RELL1: variants seen among roughly 807,000 people sequenced by gnomAD.
The protein encoded by RELL1 is RELT like 1.
In RELL1, 10 loss-of-function variants were observed where a neutral mutation model predicts 23.0. The ratio of observed to expected loss-of-function variants is 0.43; its 90% CI spans 0.27 to 0.74. The LOEUF (loss-of-function observed/expected upper bound fraction) is 0.74. Ranked by LOEUF, RELL1 falls within the 30% of genes least tolerant of loss-of-function variation. RELL1 has a pLI of 0.19. For missense variants in RELL1, 315 were observed against 364.4 expected (o/e 0.86, Z 1.10); for synonymous variants, 146 against 146.8 (o/e 0.99, Z 0.04).
At chr4:37,633,757 A>T (rs2109261784) in intron 5 of RELL1, among the ~76,000 whole-genome samples, 1 of 151,928 alleles carries the variant, frequency 6.6e-6, no homozygotes, top group Non-Finnish European at 1.5e-5. Context: ...TATGTGAGTC[A>T]CCTCACCTAG....
intron 4 of RELL1, 93 bp from the exon 5 acceptor site, chr4:37,635,216 TTG>T: frequency 9.6e-7 from 1 of 1,037,506 alleles, no homozygotes; most frequent in African/African-American, 1.6e-5. Context: ...GCAGTTTAAA[TTG>T]AAAGAAAAAA....
intron 1 of RELL1, among the ~76,000 whole-genome samples, chr4:37,664,194 G>T (rs538264762): frequency 6.6e-6 from 1 of 152,164 alleles, no homozygotes; most frequent in South Asian, 2.1e-4. Flanking sequence ...TGGCCAACAT[G>T]GTGAAACCCC....
At chr4:37,588,686 G>T, downstream of RELL1, 1 of 569,028 alleles carries the variant, frequency 1.8e-6, no homozygotes, top group Admixed American at 3.0e-5. Flanking sequence ...GGTATTCCTG[G>T]TAACCAGCAC....
At chr4:37,685,540 G>C (rs1377150727) in intron 1 of RELL1, among the ~76,000 whole-genome samples, 2 of 152,098 alleles carry the variant, frequency 1.3e-5, no homozygotes, top group African/African-American at 2.4e-5. Flanking sequence ...TTCCTGCCCT[G>C]ACCACACAAG....
intron 1 of RELL1, among the ~76,000 whole-genome samples, chr4:37,659,847 C>T (rs1377494279): frequency 1.3e-5 from 2 of 152,078 alleles, no homozygotes; most frequent in African/African-American, 4.8e-5. Context: ...ACAAGGCAGC[C>T]GTCCTAATCT....
At chr4:37,656,071 A>G (rs1417625845) in intron 1 of RELL1, among the ~76,000 whole-genome samples, 1 of 152,270 alleles carries the variant, frequency 6.6e-6, no homozygotes, top group Non-Finnish European at 1.5e-5. Context: ...TGTCTGCAGC[A>G]TTAGTTACAA....
intron 1 of RELL1, among the ~76,000 whole-genome samples, chr4:37,674,562 T>A (rs1460079684): frequency 6.6e-6 from 1 of 152,166 alleles, no homozygotes; most frequent in Non-Finnish European, 1.5e-5. Flanking sequence ...AGAAAAAACT[T>A]GCAAAGAAAA....
intron 1 of RELL1, among the ~76,000 whole-genome samples, chr4:37,661,713 C>T (rs1238476246): frequency 6.6e-6 from 1 of 152,222 alleles, no homozygotes; most frequent in East Asian, 1.9e-4. Context: ...AAGTCACAGT[C>T]TCTAAGACCA....
At chr4:37,632,044 C>T (rs533516874) in intron 5 of RELL1, among the ~76,000 whole-genome samples, 52 of 133,080 alleles carry the variant, frequency 3.9e-4, no homozygotes, top group Admixed American at 8.0e-4. Context: ...ACGTCATGCA[C>T]TCCAGCCTGG....
intron 6 of RELL1, among the ~76,000 whole-genome samples, chr4:37,600,202 G>A (rs551468642): frequency 3.3e-5 from 5 of 151,374 alleles, no homozygotes; most frequent in Admixed American, 1.3e-4. Context: ...TCCAGGGGGC[G>A]GAGGTTGCAG....
In RELL1 at chr4:37,686,232, C is replaced by G; in HGVS notation, c.56G>C (p.Gly19Ala). 6.3e-7 allele frequency: 1 copy of G among 1,580,940 alleles called. No homozygotes were observed. The highest frequency in any genetic ancestry group is 1.1e-5 in the South Asian group (1 of 88,840). Reference protein sequence around the residue: ...SAVLAAAVFVGGAVSSPLVAP... With the variant: ...SAVLAAAVFVAGAVSSPLVAP... ...CACCAGCGGCGAACTCACGGCGCCT[C>G]CCACGAAGACAGCAGCGGCTAGGAC... Residue 19 changes from glycine to alanine, a missense_variant, in exon 1 of 7, where the codon GGA (glycine) becomes GCA (alanine). Physicochemically the swap from Gly to Ala is moderately conservative, Grantham distance 60 (BLOSUM62 0). Transcript: ENST00000454158.
chr4:37,599,022 C>G (rs185731171), intron 6 of RELL1, among the ~76,000 whole-genome samples: 53 of 152,234 alleles, frequency 3.5e-4, no homozygotes, highest in African/African-American at 1.2e-3. Flanking sequence ...ATATGCCTCT[C>G]TGTGGCAACA....
At chr4:37,678,523 A>G (rs1461264083) in intron 1 of RELL1, among the ~76,000 whole-genome samples, 1 of 152,116 alleles carries the variant, frequency 6.6e-6, no homozygotes, top group Non-Finnish European at 1.5e-5. Context: ...CCCCTCCTCA[A>G]AGCCCCCTCT....
chr4:37,622,819 T>C lies in RELL1; in HGVS notation c.*3+8566A>G, dbSNP rs530163875. The C allele has an allele frequency of 1.8e-3, 789 of 446,504 alleles. 5 individuals carry two copies. The highest frequency in any genetic ancestry group is 0.012 in the African/African-American group (595 of 48,912). The allele number at this position is 446,504 out of a possible 1,614,324, so 27.7% of individuals were successfully genotyped here. A position where few individuals can be genotyped will look rare whatever the true frequency, so the allele number is the denominator to read the frequency against. ...TAATGCTTTTTTTTTTTTTTTTTTT[T>C]CTGAGACAGAGTCTTGCTGTTGTCA... On this transcript the variant is annotated intron_variant, in intron 6 of 6. Coordinates refer to ENST00000454158, the MANE Select transcript of RELL1 (RefSeq NM_001085400.2).
intron 1 of RELL1, among the ~76,000 whole-genome samples, chr4:37,666,501 A>G (rs1721537598): frequency 6.6e-6 from 1 of 152,236 alleles, no homozygotes; most frequent in Admixed American, 6.5e-5. Flanking sequence ...ATCCAAGTTA[A>G]GACTTGATAA....
At chr4:37,650,968 AG>A (rs1720911344) in intron 1 of RELL1, among the ~76,000 whole-genome samples, 1 of 150,896 alleles carries the variant, frequency 6.6e-6, no homozygotes, top group African/African-American at 2.4e-5. Flanking sequence ...CAGAGGTGAG[AG>A]GATTGCTTGA....
rs147705737 is a variant in RELL1 at position 37,593,234 on chromosome 4, C to T, written c.*4-2017G>A. ...TGAGATTATGTTCAGTTGTATGGGA[C>T]GAGTGTTTTATACAAATAGAGGCTT... On this transcript the variant is annotated intron_variant, in intron 6 of 6. Coordinates refer to the RELL1 transcript ENST00000314117. Among the ~76,000 whole-genome samples, 149 of 152,168 alleles carry T rather than the reference C, an allele frequency of 9.8e-4. 2 individuals carry two copies. The East Asian group carries it at 0.026, about 26-fold the overall frequency.
At chr4:37,668,675 C>T (rs1454220184) in intron 1 of RELL1, among the ~76,000 whole-genome samples, 1 of 151,852 alleles carries the variant, frequency 6.6e-6, no homozygotes, top group South Asian at 2.1e-4. Flanking sequence ...GCCTGGCCGC[C>T]CATCGTCTGG....
chr4:37,669,396 C>A (rs905800126), intron 1 of RELL1, among the ~76,000 whole-genome samples: 1 of 148,824 alleles, frequency 6.7e-6, no homozygotes, highest in African/African-American at 2.5e-5. Context: ...GCCGCCCCGT[C>A]CGGGAGGGAG....
Sources: allele counts gnomAD v4.1 joint callset (sites outside exome capture counted in the v4.1 genomes callset), GRCh38; gene constraint gnomAD v4.1.1; transcripts MANE v1.5; gene names NCBI Gene and HGNC (gene_info 2026-07-23, HGNC 2026-07-21).